TM9SF4: variants seen among roughly 807,000 people sequenced by gnomAD.
The protein encoded by TM9SF4 is transmembrane 9 superfamily member 4, also known as dinucleotide oxidase disulfide thiol exchanger 3 superfamily member 4.
In TM9SF4, 26 loss-of-function variants were observed where a neutral mutation model predicts 90.4. The ratio of observed to expected loss-of-function variants is 0.29; its 90% confidence interval spans 0.21 to 0.40. The LOEUF is 0.40. Ranked by LOEUF, TM9SF4 falls within the 10% of genes least tolerant of loss-of-function variation. TM9SF4 has a pLI of 1.00. For missense variants in TM9SF4, 549 were observed against 834.8 expected (o/e 0.66, Z 4.22); for synonymous variants, 293 against 315.4 (o/e 0.93, Z 0.75).
intron 16 of TM9SF4, among the ~76,000 whole-genome samples, chr20:32,160,775 C>T (rs946356704): frequency 6.6e-6 from 1 of 151,476 alleles, no homozygotes; most frequent in Non-Finnish European, 1.5e-5. Context: ...ATGGTGAAAC[C>T]CCATCGCTAC....
rs2046256124 is a variant in TM9SF4 at position 32,118,384 on chromosome 20, A to C, written c.15+8629A>C. On this transcript the variant is annotated intron_variant, in intron 1 of 17. Transcript: ENST00000398022. ...ACTCATCCCAGTATTTTCAGAGGCA[A>C]CCCATTTCCTTCACTTCTTAAAATA... Among the ~76,000 whole-genome samples, 5 of 152,098 alleles carry C rather than the reference A, an allele frequency of 3.3e-5. No homozygotes were observed. The South Asian group carries it at 1.0e-3, about 32-fold the overall frequency.
In TM9SF4 at chr20:32,150,646, C is replaced by T. The variant is rs1406306770; in HGVS notation, c.1112C>T (p.Ser371Leu). The change falls in exon 11 of 18, where the codon TCG becomes TTG. Residue 371 changes from serine to leucine, a missense_variant. Physicochemically the swap from Ser to Leu is moderately radical, Grantham distance 145. This residue lies in a region of TM9SF4 where 495 missense variants were observed against 711.7 expected (regional missense o/e 0.70). Transcript: ENST00000398022. ...GTTGTAGCCATGCTTGGGATGCTGT[C>T]GCCCTCCAGCCGGGGAGCTCTCATG... is the stretch of plus-strand genomic sequence containing the variant. ...VIFVAMLGML[S>L]PSSRGALMTT... The T allele has an allele frequency of 6.2e-7, 1 of 1,614,232 alleles. No individual in the cohort carries two copies. Among genetic ancestry groups the T allele is most frequent in the Non-Finnish European group, 8.5e-7 (1 of 1,180,046 alleles).
chr20:32,144,944 C>A, intron 6 of TM9SF4, 147 bp from the exon 7 acceptor site: 1 of 689,276 alleles, frequency 1.5e-6, no homozygotes, highest in South Asian at 1.7e-5. Context: ...GAAAAAAAAC[C>A]ATTGTTGCCC....
At chr20:32,119,209 A>G (rs902988971) in intron 1 of TM9SF4, among the ~76,000 whole-genome samples, 6 of 152,084 alleles carry the variant, frequency 3.9e-5, no homozygotes, top group African/African-American at 1.4e-4. Context: ...TTGTAATGTC[A>G]GCACTTTGGG....
chr20:32,123,213 GGGGGAGGGGGAGAGGGAGA>G (rs2046360033), intron 1 of TM9SF4, among the ~76,000 whole-genome samples: 1 of 14,478 alleles, frequency 6.9e-5, no homozygotes, highest in African/African-American at 1.7e-4. Flanking sequence ...GGAGGGGGAG[GGGGGAGGGGGAGAGGGAGA>G]GGGAGAGGCT....
intron 1 of TM9SF4, among the ~76,000 whole-genome samples, chr20:32,130,323 T>C (rs2046492005): frequency 6.6e-6 from 1 of 152,236 alleles, no homozygotes; most frequent in South Asian, 2.1e-4. Context: ...TTCAAAAATT[T>C]AAGCTTGAGG....
At chr20:32,124,591 T>C (rs1600791835) in intron 1 of TM9SF4, among the ~76,000 whole-genome samples, 1 of 42,822 alleles carries the variant, frequency 2.3e-5, no homozygotes, top group East Asian at 2.8e-3. Context: ...TTTTAAAAAC[T>C]TTTTTTTTTT....
chr20:32,158,482 G>T lies in TM9SF4; in HGVS notation c.1537G>T (p.Ala513Ser). 1.2e-6 allele frequency: 2 copies of T among 1,614,160 alleles called. No homozygotes were observed. The highest frequency in any genetic ancestry group is 2.2e-5 in the South Asian group (2 of 91,084). ...CATGGCTGGGATCTTGCCCTTCGGC[G>T]CCATGTTCATCGAGCTCTTCTTCAT... Reference protein sequence around the residue: ...ILMAGILPFGAMFIELFFIFS... With the variant: ...ILMAGILPFGSMFIELFFIFS... The change falls in exon 15 of 18, where the codon GCC (alanine) becomes TCC (serine). Residue 513 changes from alanine (A) to serine (S), a missense_variant. By Grantham distance (99) the Ala-to-Ser change is moderately conservative (BLOSUM62 1). Coordinates refer to ENST00000398022, the MANE Select transcript of TM9SF4 (RefSeq NM_014742.4).
At chr20:32,161,126 A>T (rs2122478198) in intron 16 of TM9SF4, 150 bp from the exon 17 acceptor site, 1 of 648,240 alleles carries the variant, frequency 1.5e-6, no homozygotes. Flanking sequence ...ACAGTTCTGG[A>T]ACCACCATCA....
chr20:32,115,813 T>TG (rs1358409445), intron 1 of TM9SF4, among the ~76,000 whole-genome samples: 2 of 135,144 alleles, frequency 1.5e-5, no homozygotes, highest in African/African-American at 5.6e-5. Flanking sequence ...TAAGCTTTTT[T>TG]TTTTTTTTTT....
At chr20:32,146,982 C>CT (rs11476027) in intron 9 of TM9SF4, 127 bp downstream of exon 9, 66,025 of 580,552 alleles carry the variant, frequency 0.11, 54 homozygotes, top group South Asian at 0.13. Context: ...GTTTAGTATA[C>CT]TTTTTTTTTT....
chr20:32,136,124 ACTGCCCTT>A lies in TM9SF4; in HGVS notation c.186_193del (p.Phe63AlafsTer36). 6.2e-7 allele frequency: 1 copy of A among 1,614,200 alleles called. No individual in the cohort carries two copies. Among genetic ancestry groups the A allele is most frequent in the Non-Finnish European group, 8.5e-7 (1 of 1,180,030 alleles). The stretch of plus-strand genomic sequence containing the variant: ...CCCAGCTACCTTATGAATACTATTC[ACTGCCCTT>A]CTGCCAGCCCAGCAAGATAACCTAC... On this transcript the variant is annotated frameshift_variant, in exon 3 of 18. Coordinates refer to ENST00000398022, the MANE Select transcript of TM9SF4 (RefSeq NM_014742.4). LOFTEE classifies it high-confidence loss of function.
At chr20:32,142,747 C>T (rs1424713854) in intron 5 of TM9SF4, among the ~76,000 whole-genome samples, 2 of 152,134 alleles carry the variant, frequency 1.3e-5, no homozygotes, top group African/African-American at 2.4e-5. Flanking sequence ...GATGATTACA[C>T]CCAGTTGTAT....
chr20:32,123,733 A>G (rs908717252), intron 1 of TM9SF4, among the ~76,000 whole-genome samples: 3 of 150,094 alleles, frequency 2.0e-5, no homozygotes, highest in South Asian at 4.2e-4. Context: ...TTAAAAGCAT[A>G]TCCATATTTT....
intron 12 of TM9SF4, among the ~76,000 whole-genome samples, chr20:32,154,156 T>TTG (rs771649188): frequency 2.6e-5 from 4 of 152,030 alleles, no homozygotes; most frequent in African/African-American, 7.2e-5. Context: ...TTTAGGGTTT[T>TTG]TGTGTGTGTG....
chr20:32,159,869 AG>A, intron 15 of TM9SF4, 122 bp from the exon 16 acceptor site: 1 of 1,399,994 alleles, frequency 7.1e-7, no homozygotes, highest in East Asian at 2.3e-5. Flanking sequence ...GCCACATGCC[AG>A]GCCCACGGGC....
chr20:32,156,107 A>G (rs1340064082), intron 13 of TM9SF4, among the ~76,000 whole-genome samples: 1 of 152,192 alleles, frequency 6.6e-6, no homozygotes, highest in African/African-American at 2.4e-5. Context: ...TCTTTAATAT[A>G]TGTTGTCTTT....
chr20:32,149,833 A>G (rs562792781), intron 10 of TM9SF4, 67 bp downstream of exon 10: 38 of 1,592,180 alleles, frequency 2.4e-5, no homozygotes, highest in Non-Finnish European at 3.3e-5. Context: ...CAAGGAGAGA[A>G]GGGTGGGCTT....
chr20:32,160,065 G>C lies in TM9SF4; in HGVS notation c.1643G>C (p.Cys548Ser), dbSNP rs2046991982. Residue 548 changes from cysteine to serine, a missense_variant, in exon 16 of 18, where the codon TGT becomes TCT. Transcript: ENST00000398022. Reference sequence around the variant, plus strand: ...GTTTTCATCATCCTGGTGGTATCCTGTTCACAAATCAGCATCGTCATGGTG... The same window carrying C: ...GTTTTCATCATCCTGGTGGTATCCTCTTCACAAATCAGCATCGTCATGGTG... ...FLVFIILVVS[C>S]SQISIVMVYF... The C allele has an allele frequency of 2.5e-6, 4 of 1,614,088 alleles. No homozygotes were observed. Among genetic ancestry groups the C allele is most frequent in the Non-Finnish European group, 1.7e-6 (2 of 1,180,048 alleles).
Sources: allele counts gnomAD v4.1 joint callset (sites outside exome capture counted in the v4.1 genomes callset), GRCh38; gene constraint gnomAD v4.1.1; regional missense constraint gnomAD v4.1.1; transcripts MANE v1.5; gene names NCBI Gene and HGNC (gene_info 2026-07-23, HGNC 2026-07-21).